The following ERBB4 variants were observed in gnomAD, a reference collection of about 807,000 sequenced individuals.
ERBB4 encodes the protein receptor tyrosine-protein kinase erbB-4.
A neutral mutation model predicts 158.0 loss-of-function variants in ERBB4; 42 were observed. The ratio of observed to expected loss-of-function variants is 0.27; its 90% CI spans 0.21 to 0.34. The LOEUF (loss-of-function observed/expected upper bound fraction) is 0.34. ERBB4 is among the 10% of genes least tolerant of loss of function. The pLI is 1.00. For missense variants in ERBB4, 1,333 were observed against 1,624.1 expected, an observed-to-expected ratio of 0.82 and a Z score of 3.08; for synonymous variants, 583 against 558.7, an observed-to-expected ratio of 1.04 and a Z score of -0.61.
chr2:211,624,312 C>T lies in ERBB4; in HGVS notation c.2080-268G>A, dbSNP rs116206200. On this transcript the variant is annotated intron_variant, in intron 17 of 27. Coordinates refer to ENST00000342788, the MANE Select transcript of ERBB4 (RefSeq NM_005235.3). ...AAATGTGCACCTACCTTGAGGCATA[C>T]TAGGCTACGAGATTTGATGCATTAA... Among the ~76,000 whole-genome samples the T allele has an allele frequency of 5.8e-3, 888 of 152,164 alleles. 8 individuals are homozygous for T. The highest frequency in any genetic ancestry group is 0.021 in the African/African-American group (860 of 41,496).
At chr2:211,470,275 T>C (rs1322574621) in intron 20 of ERBB4, among the ~76,000 whole-genome samples, 1 of 152,124 alleles carries the variant, frequency 6.6e-6, no homozygotes, top group Non-Finnish European at 1.5e-5. Flanking sequence ...TATGGCTACA[T>C]TCTTAAAAAG....
chr2:211,627,837 AC>A (rs1310955197), intron 17 of ERBB4, among the ~76,000 whole-genome samples: 2 of 152,198 alleles, frequency 1.3e-5, no homozygotes, highest in Non-Finnish European at 2.9e-5. Context: ...TGTATCCTGT[AC>A]CATGAACACT....
At chr2:211,735,838 C>T (rs1478150971) in intron 5 of ERBB4, among the ~76,000 whole-genome samples, 4 of 151,734 alleles carry the variant, frequency 2.6e-5, no homozygotes, top group Non-Finnish European at 4.4e-5. Context: ...TCATAGAACA[C>T]GTTTGGGATT....
At chr2:211,800,864 A>G (rs2076484976) in intron 3 of ERBB4, among the ~76,000 whole-genome samples, 1 of 152,208 alleles carries the variant, frequency 6.6e-6, no homozygotes, top group African/African-American at 2.4e-5. Context: ...AAAGTGAATT[A>G]AAAGAAAGCC....
At chr2:212,332,076 C>T (rs553576920) in intron 1 of ERBB4, among the ~76,000 whole-genome samples, 2 of 152,038 alleles carry the variant, frequency 1.3e-5, no homozygotes, top group East Asian at 1.9e-4. Context: ...TTGGCTGTGT[C>T]CCTACCCAAA....
intron 3 of ERBB4, among the ~76,000 whole-genome samples, chr2:211,859,227 A>G (rs1274670436): frequency 6.6e-6 from 1 of 152,244 alleles, no homozygotes; most frequent in Non-Finnish European, 1.5e-5. Context: ...CTAAATGAAG[A>G]GTCACTGTTA....
At chr2:212,283,381 A>G (rs2085832087) in intron 1 of ERBB4, among the ~76,000 whole-genome samples, 1 of 152,016 alleles carries the variant, frequency 6.6e-6, no homozygotes, top group Non-Finnish European at 1.5e-5. Flanking sequence ...CACATATATT[A>G]GTGCACCTTA....
chr2:211,992,327 A>G (rs1373288102), intron 2 of ERBB4, among the ~76,000 whole-genome samples: 2 of 152,120 alleles, frequency 1.3e-5, no homozygotes, highest in Non-Finnish European at 2.9e-5. Context: ...AGGAAACAAA[A>G]GCAGAAACCC....
intron 3 of ERBB4, among the ~76,000 whole-genome samples, chr2:211,851,294 T>C (rs1461331179): frequency 6.6e-6 from 1 of 151,932 alleles, no homozygotes; most frequent in Non-Finnish European, 1.5e-5. Flanking sequence ...ATATAATTTA[T>C]TTAATGAAAA....
At chr2:212,511,375 G>C (rs906482165) in intron 1 of ERBB4, among the ~76,000 whole-genome samples, 1 of 152,130 alleles carries the variant, frequency 6.6e-6, no homozygotes, top group Non-Finnish European at 1.5e-5. Flanking sequence ...GTGTTCAGTG[G>C]ATAATCAACA....
At chr2:212,066,753 T>G (rs1008661446) in intron 2 of ERBB4, among the ~76,000 whole-genome samples, 1 of 151,932 alleles carries the variant, frequency 6.6e-6, no homozygotes. Context: ...TCTAACGCGT[T>G]TCTAAAAGCT....
chr2:211,450,327 T>C (rs1319314771), intron 20 of ERBB4, among the ~76,000 whole-genome samples: 1 of 152,100 alleles, frequency 6.6e-6, no homozygotes, highest in African/African-American at 2.4e-5. Context: ...GTGATAAAAG[T>C]CCTTGGGATG....
intron 1 of ERBB4, among the ~76,000 whole-genome samples, chr2:212,185,703 G>A (rs891783431): frequency 1.4e-4 from 22 of 151,974 alleles, no homozygotes; most frequent in Admixed American, 9.8e-4. Flanking sequence ...AGTAATGATG[G>A]AATTTGGGAG....
rs569396201 is a variant in ERBB4 at position 211,504,428 on chromosome 2, T to C, written c.2487+57475A>G. Among the ~76,000 whole-genome samples, 45 of 151,234 alleles carry C rather than the reference T, an allele frequency of 3.0e-4. No individual in the cohort carries two copies. In the South Asian group the frequency reaches 9.4e-3, roughly 32 times the overall value. ...GACCCTACCCAACATGTGCAACAGC[T>C]AAACCCTCAAAGTGGGGAAGAAAAA... On this transcript the variant is annotated intron_variant, in intron 20 of 27. Transcript: ENST00000342788.
intron 1 of ERBB4, among the ~76,000 whole-genome samples, chr2:212,238,996 A>G (rs1357136): frequency 0.53 from 81,261 of 151,958 alleles, 22,068 homozygotes; most frequent in East Asian, 0.74. Flanking sequence ...TTCAGTTCAA[A>G]CACTTATTAA....
intron 5 of ERBB4, among the ~76,000 whole-genome samples, chr2:211,747,804 AC>A (rs1422436020): frequency 6.6e-6 from 1 of 151,902 alleles, no homozygotes; most frequent in Non-Finnish European, 1.5e-5. Flanking sequence ...ATAAATATTC[AC>A]CATCTATGTA....
chr2:211,751,778 T>C (rs1315332233), intron 4 of ERBB4, among the ~76,000 whole-genome samples: 1 of 152,192 alleles, frequency 6.6e-6, no homozygotes, highest in African/African-American at 2.4e-5. Context: ...CCAGTGAAAC[T>C]GCCAAAGTGA....
At chr2:212,302,439 T>C (rs1451902560) in intron 1 of ERBB4, among the ~76,000 whole-genome samples, 1 of 151,542 alleles carries the variant, frequency 6.6e-6, no homozygotes, top group Non-Finnish European at 1.5e-5. Flanking sequence ...ACAGAATCAA[T>C]CTTGTGGTAT....
chr2:211,642,713 A>C (rs2070642262), intron 16 of ERBB4, among the ~76,000 whole-genome samples: 1 of 152,166 alleles, frequency 6.6e-6, no homozygotes, highest in South Asian at 2.1e-4. Context: ...TAGCTGTTAC[A>C]TGAAGAAATA....
Sources: allele counts gnomAD v4.1 joint callset (sites outside exome capture counted in the v4.1 genomes callset), GRCh38; gene constraint gnomAD v4.1.1; transcripts MANE v1.5; gene names NCBI Gene and HGNC (gene_info 2026-07-23, HGNC 2026-07-21).